The following SKIC3 variants were observed in gnomAD, a reference collection of about 807,000 sequenced individuals.
SKIC3 encodes SKI3 subunit of superkiller complex, also known as superkiller complex protein 3.
At chr5:95,535,315 T>C in the SKIC3 span, among the ~76,000 whole-genome samples, 2 of 143,600 alleles carry the variant, frequency 1.4e-5, no homozygotes, top group Non-Finnish European at 3.0e-5. Context: ...CAATTTTTTT[T>C]TTTTTTTTTT....
the SKIC3 span, among the ~76,000 whole-genome samples, chr5:95,526,533 G>T: frequency 3.9e-5 from 6 of 151,958 alleles, no homozygotes; most frequent in Non-Finnish European, 8.8e-5. Context: ...GAGTGCAATG[G>T]TCTGATCTTG....
chr5:95,520,825 T>C, the SKIC3 span: 1 of 1,599,090 alleles, frequency 6.3e-7, no homozygotes, highest in African/African-American at 1.3e-5. Context: ...AAACCTAAAA[T>C]CAGGTAAGTT....
chr5:95,490,788 A>G, the SKIC3 span: 4 of 1,335,148 alleles, frequency 3.0e-6, no homozygotes, highest in South Asian at 5.0e-5. Context: ...GTGAGCCACC[A>G]TGCCCGGCCT....
the SKIC3 span, among the ~76,000 whole-genome samples, chr5:95,547,662 T>C: frequency 6.6e-6 from 1 of 152,088 alleles, no homozygotes; most frequent in Admixed American, 6.6e-5. Flanking sequence ...CTCTATATAT[T>C]TTGGCTAAAA....
the SKIC3 span, among the ~76,000 whole-genome samples, chr5:95,544,699 A>C: frequency 6.6e-6 from 1 of 152,214 alleles, no homozygotes; most frequent in Non-Finnish European, 1.5e-5. Context: ...GCTGAACAAA[A>C]TGCCATACTC....
At chr5:95,519,084 CAA>C in the SKIC3 span, among the ~76,000 whole-genome samples, 1 of 124,336 alleles carries the variant, frequency 8.0e-6, no homozygotes. Flanking sequence ...ACCCTGAGAC[CAA>C]AAAAAAAAAA....
chr5:95,503,794 C>A, the SKIC3 span: 1 of 1,613,036 alleles, frequency 6.2e-7, no homozygotes, highest in East Asian at 2.2e-5. Context: ...GTGTCCTTAG[C>A]TTCAGAGCAA....
At chr5:95,500,728 G>A in the SKIC3 span, among the ~76,000 whole-genome samples, 1 of 152,108 alleles carries the variant, frequency 6.6e-6, no homozygotes, top group Non-Finnish European at 1.5e-5. Flanking sequence ...TTTGTAGATG[G>A]CAATGTAGGA....
At chr5:95,522,438 A>G in the SKIC3 span, 1 of 1,057,744 alleles carries the variant, frequency 9.5e-7, no homozygotes, top group Non-Finnish European at 1.3e-6. Flanking sequence ...AGTGCTATTT[A>G]AAGCAGATAA....
the SKIC3 span, chr5:95,504,007 G>C: frequency 1.3e-6 from 2 of 1,507,298 alleles, no homozygotes; most frequent in East Asian, 5.3e-5. Flanking sequence ...AAAATACTGA[G>C]ATATAATTAC....
chr5:95,512,337 G>T, the SKIC3 span: 1 of 909,154 alleles, frequency 1.1e-6, no homozygotes, highest in East Asian at 2.7e-5. Context: ...AGTAAAGACT[G>T]CTTCGCTGTT....
At chr5:95,517,184 T>C in the SKIC3 span, 1 of 1,613,408 alleles carries the variant, frequency 6.2e-7, no homozygotes, top group Non-Finnish European at 8.5e-7. Flanking sequence ...TCTTTAATAC[T>C]TGTTTTCCTT....
chr5:95,505,814 C>G, the SKIC3 span, among the ~76,000 whole-genome samples: 4 of 147,984 alleles, frequency 2.7e-5, 1 homozygote, highest in South Asian at 4.3e-4. Context: ...CTCTGTCCCC[C>G]CAAAAAAAAA....
the SKIC3 span, among the ~76,000 whole-genome samples, chr5:95,506,366 T>A: frequency 6.6e-6 from 1 of 152,210 alleles, no homozygotes; most frequent in South Asian, 2.1e-4. Context: ...AGCTCTAGGA[T>A]GCTGCCTTAA....
the SKIC3 span, among the ~76,000 whole-genome samples, chr5:95,542,081 G>C: frequency 6.6e-6 from 1 of 152,040 alleles, no homozygotes; most frequent in South Asian, 2.1e-4. Context: ...AATAGCTGGG[G>C]GTCGGAGGGC....
At chr5:95,521,020 T>C in the SKIC3 span, among the ~76,000 whole-genome samples, 1 of 152,066 alleles carries the variant, frequency 6.6e-6, no homozygotes, top group East Asian at 1.9e-4. Context: ...GGAGTAAACA[T>C]GCACTAGAAG....
At chr5:95,473,587 G>T in the SKIC3 span, among the ~76,000 whole-genome samples, 26 of 152,168 alleles carry the variant, frequency 1.7e-4, no homozygotes, top group African/African-American at 6.0e-4. Context: ...GTTATTTTTT[G>T]ACTTTTTAAT....
At chr5:95,498,695 G>T in the SKIC3 span, 1 of 1,065,816 alleles carries the variant, frequency 9.4e-7, no homozygotes, top group African/African-American at 1.6e-5. Flanking sequence ...GCACCATCTC[G>T]GCTCACTGCA....
At chr5:95,487,001 G>A in the SKIC3 span, among the ~76,000 whole-genome samples, 1 of 152,156 alleles carries the variant, frequency 6.6e-6, no homozygotes, top group South Asian at 2.1e-4. Context: ...TGTGGGTGTT[G>A]CCAAAAGAGA....
Sources: allele counts gnomAD v4.1 joint callset (sites outside exome capture counted in the v4.1 genomes callset), GRCh38; gene constraint gnomAD v4.1.1; transcripts MANE v1.5; gene names NCBI Gene and HGNC (gene_info 2026-07-23, HGNC 2026-07-21).